The following PHF21B variants were observed in gnomAD, a reference collection of about 807,000 sequenced individuals.
The protein encoded by PHF21B is PHD finger protein 21B, also known as PHD finger protein 4.
In PHF21B, 22 loss-of-function variants were observed where a neutral mutation model predicts 62.2. The observed-to-expected ratio is 0.35, with a 90% CI of 0.25 to 0.51. The LOEUF (loss-of-function observed/expected upper bound fraction) is 0.51, where lower values mean the gene tolerates loss of function less well. Ranked by LOEUF, PHF21B falls within the 20% of genes least tolerant of loss-of-function variation. PHF21B has a pLI of 0.97. For synonymous variants in PHF21B, 341 were observed against 314.7 expected, an observed-to-expected ratio of 1.08 and a Z score of -0.88; for missense variants, 701 against 707.9, an observed-to-expected ratio of 0.99 and a Z score of 0.11.
At chr22:44,900,749 AC>A (rs1471204190) in intron 5 of PHF21B, among the ~76,000 whole-genome samples, 3 of 150,366 alleles carry the variant, frequency 2.0e-5, no homozygotes, top group African/African-American at 7.3e-5. Flanking sequence ...GAAAAGTCAG[AC>A]ACCAGCTTAA....
At chr22:44,995,496 T>A (rs549088898) in intron 2 of PHF21B, among the ~76,000 whole-genome samples, 1 of 151,628 alleles carries the variant, frequency 6.6e-6, no homozygotes, top group Admixed American at 6.6e-5. Flanking sequence ...CCTTGAAGAG[T>A]CCCGAGGCAC....
chr22:44,914,385 G>A (rs977313909), intron 4 of PHF21B, among the ~76,000 whole-genome samples: 1 of 152,228 alleles, frequency 6.6e-6, no homozygotes, highest in African/African-American at 2.4e-5. Context: ...GGCCTCAGGG[G>A]AGTCACTGCT....
At chr22:44,991,824 CT>C (rs1482125552) in intron 2 of PHF21B, among the ~76,000 whole-genome samples, 1 of 152,400 alleles carries the variant, frequency 6.6e-6, no homozygotes, top group East Asian at 1.9e-4. Flanking sequence ...AATGGCTGCC[CT>C]CGCTGGCCTT....
At chr22:44,931,195 C>T (rs1004196154) in intron 2 of PHF21B, among the ~76,000 whole-genome samples, 3 of 152,246 alleles carry the variant, frequency 2.0e-5, no homozygotes, top group African/African-American at 7.2e-5. Flanking sequence ...GCTAGAATTA[C>T]AGGCATGAGC....
chr22:44,912,440 T>C (rs1375163324), intron 5 of PHF21B, among the ~76,000 whole-genome samples: 2 of 152,180 alleles, frequency 1.3e-5, no homozygotes, highest in African/African-American at 4.8e-5. Flanking sequence ...AACTGAATTA[T>C]GGCACGGGTC....
At chr22:44,895,545 T>C (rs1392666133) in intron 6 of PHF21B, among the ~76,000 whole-genome samples, 3 of 152,136 alleles carry the variant, frequency 2.0e-5, no homozygotes, top group African/African-American at 7.2e-5. Flanking sequence ...GGGCACTGCT[T>C]CCAACAATCC....
At chr22:44,920,001 G>A (rs574449879) in intron 3 of PHF21B, among the ~76,000 whole-genome samples, 4 of 152,162 alleles carry the variant, frequency 2.6e-5, no homozygotes, top group Non-Finnish European at 4.4e-5. Context: ...GAATCCCCTC[G>A]TCCAGAGTGT....
At chr22:44,916,133 CCATT>C (rs905754433) in intron 4 of PHF21B, 143 bp downstream of exon 4, 4 of 758,560 alleles carry the variant, frequency 5.3e-6, no homozygotes, top group Non-Finnish European at 8.5e-6. Context: ...TGTTTCCGTC[CCATT>C]CATTCATTTG....
intron 5 of PHF21B, among the ~76,000 whole-genome samples, chr22:44,903,245 C>A (rs1009139414): frequency 1.3e-5 from 2 of 152,096 alleles, no homozygotes; most frequent in African/African-American, 2.4e-5. Flanking sequence ...ACTCCCTTTC[C>A]TTTTGCACTT....
chr22:44,965,745 G>A (rs1325575280), intron 2 of PHF21B, among the ~76,000 whole-genome samples: 1 of 152,336 alleles, frequency 6.6e-6, no homozygotes, highest in African/African-American at 2.4e-5. Context: ...TGGCTGGGAA[G>A]TCAGACTGCC....
At chr22:44,999,856 C>T (rs5766272) in intron 2 of PHF21B, among the ~76,000 whole-genome samples, 3 of 152,166 alleles carry the variant, frequency 2.0e-5, no homozygotes, top group East Asian at 3.9e-4. Flanking sequence ...TCAGAGCCAG[C>T]GCCCCACAGG....
At chr22:44,928,433 G>C (rs557037936) in intron 2 of PHF21B, among the ~76,000 whole-genome samples, 1 of 151,930 alleles carries the variant, frequency 6.6e-6, no homozygotes, top group Non-Finnish European at 1.5e-5. Flanking sequence ...TTTTTGAGAC[G>C]GAGTCTTGCT....
chr22:44,962,982 T>A (rs1018780052), intron 2 of PHF21B, among the ~76,000 whole-genome samples: 1 of 152,212 alleles, frequency 6.6e-6, no homozygotes, highest in African/African-American at 2.4e-5. Context: ...TACTTCATGG[T>A]TTGCAAGGTA....
intron 2 of PHF21B, among the ~76,000 whole-genome samples, chr22:44,998,414 T>C (rs1211255012): frequency 1.3e-5 from 2 of 152,172 alleles, no homozygotes; most frequent in African/African-American, 2.4e-5. Context: ...CCAAGCGCAG[T>C]GATCAGAAGA....
rs888743887 is a variant in PHF21B at position 44,913,667 on chromosome 22, C to T, written c.831+155G>A. ...ACAGTTGAGACCTGGGCTTGCTTGG[C>T]GAGGCCCCATCCTGGTCGCCGACTG... On this transcript the variant is annotated intron_variant, in intron 5 of 12. Transcript: ENST00000313237. Among the ~76,000 whole-genome samples, 49 of 152,198 alleles carry T rather than the reference C, an allele frequency of 3.2e-4. 2 individuals carry two copies. Among genetic ancestry groups the T allele is most frequent in the Admixed American group, 1.3e-4 (2 of 15,288 alleles).
At chr22:45,007,042 C>A (rs912460266) in intron 2 of PHF21B, among the ~76,000 whole-genome samples, 2 of 152,130 alleles carry the variant, frequency 1.3e-5, no homozygotes, top group East Asian at 3.9e-4. Context: ...GGCCGCGCGC[C>A]GGGCCCCCCT....
chr22:44,917,789 G>A (rs2071465698), intron 3 of PHF21B, among the ~76,000 whole-genome samples: 1 of 152,188 alleles, frequency 6.6e-6, no homozygotes, highest in South Asian at 2.1e-4. Flanking sequence ...GTCCAGGGTG[G>A]CTCCTACAGG....
At chr22:44,979,365 T>G (rs1317551689) in intron 2 of PHF21B, among the ~76,000 whole-genome samples, 1 of 152,198 alleles carries the variant, frequency 6.6e-6, no homozygotes, top group African/African-American at 2.4e-5. Context: ...TGTCGTGGTC[T>G]CTGACAGGCA....
At position 44,938,773 on chromosome 22, in the gene PHF21B, A is replaced by G. The variant is rs569441851; in HGVS notation, c.121-18283T>C. Among the ~76,000 whole-genome samples the G allele has an allele frequency of 1.2e-3, 183 of 152,340 alleles. 1 individual carries two copies. The highest frequency in any genetic ancestry group is 4.2e-3 in the African/African-American group (176 of 41,576). On this transcript the variant is annotated intron_variant, in intron 2 of 12. Transcript: ENST00000313237. Reference sequence around the variant, plus strand: ...AGGTGCCATCTCTAGGAGGAGACCCAGGACCAGGATCAGGAACAGGTTCTG... The same window carrying G: ...AGGTGCCATCTCTAGGAGGAGACCCGGGACCAGGATCAGGAACAGGTTCTG...
Sources: gnomAD v4.1 joint callset for allele counts (sites outside exome capture counted in the v4.1 genomes callset) on GRCh38, gnomAD v4.1.1 for gene constraint, MANE v1.5 for transcripts, NCBI Gene and HGNC (gene_info 2026-07-23, HGNC 2026-07-21) for gene names.